Variants in HIVEP3 observed in about 807,000 individuals in gnomAD.
HIVEP3 encodes the protein transcription factor HIVEP3.
HIVEP3 carries 49 observed loss-of-function variants against 152.8 expected under a neutral mutation model. The ratio of observed to expected loss-of-function variants is 0.32; its 90% CI spans 0.26 to 0.41. HIVEP3 has a LOEUF of 0.41. Among genes scored for constraint, HIVEP3 ranks in the 10% least tolerant of loss-of-function variants. The pLI is 1.00. For synonymous variants in HIVEP3, 1,269 were observed against 1,289.0 expected (o/e 0.98, Z 0.33); for missense variants, 2,790 against 3,103.3 (o/e 0.90, Z 2.40).
At chr1:41,952,213 T>C (rs1360956309) in intron 1 of HIVEP3, among the ~76,000 whole-genome samples, 1 of 152,184 alleles carries the variant, frequency 6.6e-6, no homozygotes, top group Non-Finnish European at 1.5e-5. Flanking sequence ...AGTCAACATA[T>C]TCAAAATCAA....
chr1:41,602,389 G>T (rs1570072554), intron 3 of HIVEP3, among the ~76,000 whole-genome samples: 1 of 152,042 alleles, frequency 6.6e-6, no homozygotes, highest in Admixed American at 6.5e-5. Context: ...GCTTTTCCTT[G>T]TTGGGAGTTT....
intron 1 of HIVEP3, among the ~76,000 whole-genome samples, chr1:41,850,881 A>T (rs1289841783): frequency 6.6e-6 from 1 of 152,162 alleles, no homozygotes; most frequent in Non-Finnish European, 1.5e-5. Flanking sequence ...CTAAAATTCC[A>T]TTCTGAGTTT....
At chr1:41,621,535 G>T (rs527894832) in intron 3 of HIVEP3, among the ~76,000 whole-genome samples, 143 of 152,304 alleles carry the variant, frequency 9.4e-4, no homozygotes, top group Admixed American at 2.2e-3. Context: ...TGTTTTTCGA[G>T]ACAGGGTCTT....
intron 1 of HIVEP3, among the ~76,000 whole-genome samples, chr1:41,983,854 C>T (rs1034013856): frequency 2.0e-5 from 3 of 152,144 alleles, no homozygotes; most frequent in Non-Finnish European, 2.9e-5. Flanking sequence ...TGCTACCCAC[C>T]GTCCATAGGC....
intron 3 of HIVEP3, among the ~76,000 whole-genome samples, chr1:41,595,037 T>A (rs1644645263): frequency 6.6e-6 from 1 of 152,214 alleles, no homozygotes; most frequent in Non-Finnish European, 1.5e-5. Context: ...AAGCACAGGT[T>A]CTAGCCCTAT....
chr1:41,937,849 T>A (rs924402102), intron 1 of HIVEP3, among the ~76,000 whole-genome samples: 1 of 152,228 alleles, frequency 6.6e-6, no homozygotes, highest in Non-Finnish European at 1.5e-5. Flanking sequence ...TGTAGAGTCA[T>A]GCCATACATT....
At chr1:41,865,913 A>G (rs1339312383) in intron 1 of HIVEP3, among the ~76,000 whole-genome samples, 2 of 152,358 alleles carry the variant, frequency 1.3e-5, no homozygotes, top group African/African-American at 4.8e-5. Context: ...CTTTGAGCTC[A>G]TAAATAGGTC....
intron 1 of HIVEP3, among the ~76,000 whole-genome samples, chr1:41,941,144 G>A (rs1645043852): frequency 6.6e-6 from 1 of 152,180 alleles, no homozygotes; most frequent in Non-Finnish European, 1.5e-5. Context: ...AAAGTGGATG[G>A]AAGGCAGACA....
chr1:41,806,026 G>A (rs982647792), intron 1 of HIVEP3, among the ~76,000 whole-genome samples: 1 of 152,156 alleles, frequency 6.6e-6, no homozygotes, highest in Non-Finnish European at 1.5e-5. Context: ...AATCACAATG[G>A]TAGAAGCAGT....
chr1:41,702,594 G>C (rs528650418), intron 1 of HIVEP3, among the ~76,000 whole-genome samples: 1 of 152,296 alleles, frequency 6.6e-6, no homozygotes, highest in South Asian at 2.1e-4. Flanking sequence ...TAAATGCTCA[G>C]ATATTGCAGG....
intron 3 of HIVEP3, among the ~76,000 whole-genome samples, chr1:41,612,283 G>A (rs144035099): frequency 5.9e-5 from 9 of 152,148 alleles, no homozygotes; most frequent in Non-Finnish European, 1.2e-4. Flanking sequence ...TCCCCTGGCC[G>A]GTGTTTACAC....
chr1:41,807,010 C>T (rs1176533738), intron 1 of HIVEP3, among the ~76,000 whole-genome samples: 1 of 118,448 alleles, frequency 8.4e-6, no homozygotes, highest in Non-Finnish European at 1.9e-5. Flanking sequence ...GTGCAGTTTC[C>T]TCCCTTCCTC....
chr1:41,816,515 C>T (rs975097635), intron 1 of HIVEP3, among the ~76,000 whole-genome samples: 2 of 151,890 alleles, frequency 1.3e-5, no homozygotes, highest in Non-Finnish European at 2.9e-5. Context: ...GGTGAAACCC[C>T]ATCTCTACCA....
At chr1:41,544,868 C>CACT (rs1569842368) in intron 5 of HIVEP3, among the ~76,000 whole-genome samples, 2 of 89,586 alleles carry the variant, frequency 2.2e-5, no homozygotes, top group African/African-American at 5.7e-5. Flanking sequence ...CCACCACCAC[C>CACT]ACCACCACTA....
At chr1:41,923,484 G>A (rs1364164507), upstream of HIVEP3, among the ~76,000 whole-genome samples, 4 of 152,188 alleles carry the variant, frequency 2.6e-5, no homozygotes, top group African/African-American at 7.2e-5. Flanking sequence ...AGAGGCTGGA[G>A]GAGGTGGCGG....
At chr1:41,797,161 G>A (rs1650031672) in intron 1 of HIVEP3, among the ~76,000 whole-genome samples, 1 of 152,316 alleles carries the variant, frequency 6.6e-6, no homozygotes, top group South Asian at 2.1e-4. Context: ...GGAAGATGGA[G>A]GGTCCATTCC....
chr1:41,904,445 C>T (rs1553132028), intron 1 of HIVEP3, among the ~76,000 whole-genome samples: 1 of 152,182 alleles, frequency 6.6e-6, no homozygotes, highest in Non-Finnish European at 1.5e-5. Context: ...TCAGAACCCC[C>T]TGATGAGACC....
At chr1:41,528,455 A>T (rs1304659668) in intron 5 of HIVEP3, among the ~76,000 whole-genome samples, 1 of 39,864 alleles carries the variant, frequency 2.5e-5, no homozygotes. Flanking sequence ...ACCCTCACAC[A>T]CACCCCACCC....
At chr1:42,026,664 C>T (rs1645584227) in intron 1 of HIVEP3, among the ~76,000 whole-genome samples, 1 of 152,074 alleles carries the variant, frequency 6.6e-6, no homozygotes, top group Non-Finnish European at 1.5e-5. Flanking sequence ...TTTTTACAAC[C>T]CAAAGACTCT....
Sources: allele counts gnomAD v4.1 joint callset (sites outside exome capture counted in the v4.1 genomes callset), GRCh38; gene constraint gnomAD v4.1.1; transcripts MANE v1.5; gene names NCBI Gene and HGNC (gene_info 2026-07-23, HGNC 2026-07-21).